The following NCOA1 variants were observed in gnomAD, a reference collection of about 807,000 sequenced individuals.
The protein encoded by NCOA1 is nuclear receptor coactivator 1.
Under a neutral mutation model 150.9 loss-of-function variants are expected in NCOA1, and 35 were observed. The observed-to-expected ratio is 0.23, with a 90% CI of 0.18 to 0.31. The LOEUF (loss-of-function observed/expected upper bound fraction) is 0.31. Ranked by LOEUF, NCOA1 falls within the 10% of genes least tolerant of loss-of-function variation. NCOA1 has a pLI of 1.00. For missense variants in NCOA1, 1,491 were observed against 1,749.3 expected (o/e 0.85, Z 2.63); for synonymous variants, 590 against 630.0 (o/e 0.94, Z 0.95).
chr2:24,643,365 TTC>T (rs1170375806), intron 3 of NCOA1, among the ~76,000 whole-genome samples: 2 of 152,190 alleles, frequency 1.3e-5, no homozygotes, highest in Admixed American at 6.5e-5. Context: ...CCCCTACAAT[TTC>T]TGTCTGCCTT....
At chr2:24,683,839 T>C (rs56207895) in intron 8 of NCOA1, among the ~76,000 whole-genome samples, 158 of 152,354 alleles carry the variant, frequency 1.0e-3, no homozygotes, top group South Asian at 1.4e-3. Flanking sequence ...TGTTTTTCAA[T>C]AGTCAGTGTA....
At chr2:24,618,743 T>TG (rs1277458489) in intron 3 of NCOA1, among the ~76,000 whole-genome samples, 1 of 151,596 alleles carries the variant, frequency 6.6e-6, no homozygotes, top group Non-Finnish European at 1.5e-5. Context: ...AACAGTTCAT[T>TG]GGTTTTTTTT....
At chr2:24,556,061 C>A (rs1666055790) in intron 1 of NCOA1, 1 of 152,146 alleles carries the variant, frequency 6.6e-6, no homozygotes, top group Admixed American at 6.5e-5. Context: ...CACAGGTAAA[C>A]ATGTTCCATG....
chr2:24,649,433 CAAATT>C (rs1156702657), intron 4 of NCOA1, among the ~76,000 whole-genome samples: 2 of 152,202 alleles, frequency 1.3e-5, no homozygotes, highest in African/African-American at 2.4e-5. Flanking sequence ...AATACCAACA[CAAATT>C]AAAGTGGATT....
intron 3 of NCOA1, among the ~76,000 whole-genome samples, chr2:24,643,005 T>A (rs1039041535): frequency 1.3e-4 from 20 of 152,170 alleles, no homozygotes; most frequent in South Asian, 2.1e-4. Flanking sequence ...ATGAAACAAT[T>A]CAGCTGTGGT....
intron 14 of NCOA1, among the ~76,000 whole-genome samples, chr2:24,718,115 G>T (rs930746430): frequency 7.9e-5 from 12 of 152,016 alleles, no homozygotes; most frequent in African/African-American, 2.9e-4. Flanking sequence ...GGCCAGGCTG[G>T]TCTAGAACTT....
chr2:24,763,394 C>A (rs1273953440), intron 22 of NCOA1, among the ~76,000 whole-genome samples: 2 of 151,190 alleles, frequency 1.3e-5, no homozygotes, highest in Non-Finnish European at 2.9e-5. Flanking sequence ...AAAAAATTAG[C>A]CGGGTGAGGT....
rs33949925 is a variant in NCOA1, at chr2:24,627,121, G to GTT, written c.-174-16824_-174-16823dup. On this transcript the variant is annotated intron_variant, in intron 3 of 22. Transcript: ENST00000348332. ...AATACCTGTTTTTTTGTTTTTTGCT[G>GTT]TTTTTTTTTTTTTTTTTTTTTTAAG... is the stretch of plus-strand genomic sequence containing the variant. Among the ~76,000 whole-genome samples the GTT allele has an allele frequency of 2.1e-3, 238 of 115,122 alleles. 1 individual carries two copies. Among genetic ancestry groups the GTT allele is most frequent in the South Asian group, 9.5e-3 (33 of 3,458 alleles). 75.5% of individuals were successfully genotyped at this position (115,122 alleles called of 152,430 possible). A position where few individuals can be genotyped will look rare whatever the true frequency, so the allele number is the denominator to read the frequency against.
intron 21 of NCOA1, among the ~76,000 whole-genome samples, chr2:24,762,313 C>A (rs1030264942): frequency 3.9e-5 from 6 of 152,140 alleles, no homozygotes; most frequent in South Asian, 2.1e-4. Flanking sequence ...TAAATCTTGA[C>A]CAAAGTGTGA....
At chr2:24,650,903 C>T (rs369615323) in intron 4 of NCOA1, among the ~76,000 whole-genome samples, 3 of 151,990 alleles carry the variant, frequency 2.0e-5, no homozygotes, top group African/African-American at 4.8e-5. Flanking sequence ...AGTTGAGCAT[C>T]GAAAATCTGA....
intron 4 of NCOA1, among the ~76,000 whole-genome samples, chr2:24,645,496 C>T (rs570704260): frequency 2.4e-4 from 33 of 136,010 alleles, no homozygotes; most frequent in African/African-American, 8.8e-4. Context: ...GGTGACAGAG[C>T]GAGACTCCTC....
Position 24,505,633 on chromosome 2 carries a change from A to G in NCOA1, c.-396+14031A>G, listed in dbSNP as rs982361178. Among the ~76,000 whole-genome samples, 12 of 152,302 alleles carry G rather than the reference A, an allele frequency of 7.9e-5. No individual in the cohort carries two copies. In the East Asian group the frequency reaches 2.1e-3, roughly 27 times the overall value. On this transcript the variant is annotated intron_variant, in intron 1 of 22. Transcript: ENST00000348332. ...TGGTAGCTGTTAATTTAGGCTGTGT[A>G]GTAAACACCCCTCCCCCCATTCTTT...
chr2:24,645,901 G>A (rs1008790637), intron 4 of NCOA1, among the ~76,000 whole-genome samples: 1 of 152,122 alleles, frequency 6.6e-6, no homozygotes, highest in East Asian at 1.9e-4. Flanking sequence ...TGCTGAGTAG[G>A]ATGTATTATA....
chr2:24,661,565 A>G (rs982430417), intron 5 of NCOA1, among the ~76,000 whole-genome samples: 11 of 152,074 alleles, frequency 7.2e-5, no homozygotes, highest in African/African-American at 2.7e-4. Flanking sequence ...TAAGGTTTTA[A>G]ATGTATTTTT....
intron 4 of NCOA1, among the ~76,000 whole-genome samples, chr2:24,644,528 A>T (rs928209620): frequency 7.2e-5 from 11 of 152,162 alleles, no homozygotes; most frequent in Admixed American, 1.3e-4. Flanking sequence ...AATTGTAGGT[A>T]TACCCATATA....
chr2:24,730,485 T>TA (rs1662947865), intron 17 of NCOA1, among the ~76,000 whole-genome samples: 1 of 152,188 alleles, frequency 6.6e-6, no homozygotes, highest in South Asian at 2.1e-4. Flanking sequence ...CATCAAGAGA[T>TA]ACTGTTTATG....
intron 17 of NCOA1, among the ~76,000 whole-genome samples, chr2:24,733,606 T>A (rs925019769): frequency 2.0e-5 from 3 of 152,126 alleles, no homozygotes; most frequent in Non-Finnish European, 4.4e-5. Context: ...TAGCTGGGCA[T>A]GGTGGTGCAT....
At chr2:24,639,287 A>G (rs928331356) in intron 3 of NCOA1, among the ~76,000 whole-genome samples, 5 of 152,064 alleles carry the variant, frequency 3.3e-5, no homozygotes, top group Admixed American at 6.5e-5. Flanking sequence ...AATAAATAAA[A>G]TAAAAAAATT....
At chr2:24,656,180 CAACT>C (rs1670942706) in intron 4 of NCOA1, among the ~76,000 whole-genome samples, 1 of 151,558 alleles carries the variant, frequency 6.6e-6, no homozygotes, top group Non-Finnish European at 1.5e-5. Flanking sequence ...TGCAGTGTAC[CAACT>C]GAGACAAGAA....
Sources: gnomAD v4.1 joint callset for allele counts (sites outside exome capture counted in the v4.1 genomes callset) on GRCh38, gnomAD v4.1.1 for gene constraint, MANE v1.5 for transcripts, NCBI Gene and HGNC (gene_info 2026-07-23, HGNC 2026-07-21) for gene names.